TTC7B: variants seen among roughly 807,000 people sequenced by gnomAD.
TTC7B encodes the protein tetratricopeptide repeat protein 7B.
Under a neutral mutation model 106.8 loss-of-function variants are expected in TTC7B, and 28 were observed. The ratio of observed to expected loss-of-function variants is 0.26; its 90% CI spans 0.19 to 0.36. The LOEUF is 0.36. Among genes scored for constraint, TTC7B ranks in the 10% least tolerant of loss-of-function variants. The probability of loss-of-function intolerance (pLI) is 1.00; values close to 1 mark genes in which losing one functional copy is unlikely to be tolerated. For missense variants in TTC7B, 862 were observed against 1,076.4 expected, an observed-to-expected ratio of 0.80 and a Z score of 2.79; for synonymous variants, 405 against 430.6, an observed-to-expected ratio of 0.94 and a Z score of 0.74.
intron 19 of TTC7B, among the ~76,000 whole-genome samples, chr14:90,569,089 C>T (rs1000452871): frequency 6.6e-6 from 1 of 152,172 alleles, no homozygotes; most frequent in Non-Finnish European, 1.5e-5. Context: ...CACCTGCAGC[C>T]TCAAAGACAA....
rs1365407194 is a variant in TTC7B at position 90,701,794 on chromosome 14, G to GTATA, written c.699-6217_699-6216insTATA. Among the ~76,000 whole-genome samples the GTATA allele has an allele frequency of 1.3e-3, 160 of 124,882 alleles. 2 individuals carry two copies. The highest frequency in any genetic ancestry group is 5.1e-3 in the African/African-American group (148 of 28,756). The allele number at this position is 124,882 out of a possible 152,430, so 81.9% of individuals were successfully genotyped here. ...TGTATATATGTATATGTGTGTGTGTGTGTATATATATATATATATATATAT... is the reference window on the plus strand; with the variant it reads ...TGTATATATGTATATGTGTGTGTGTGTATATGTATATATATATATATATATATAT... On this transcript the variant is annotated intron_variant, in intron 5 of 19. Transcript: ENST00000328459.
chr14:90,627,158 A>T (rs529616148), intron 15 of TTC7B, among the ~76,000 whole-genome samples: 54 of 151,880 alleles, frequency 3.6e-4, no homozygotes, highest in Non-Finnish European at 4.7e-4. Flanking sequence ...ATTAAAAAAA[A>T]TTTTTTAGTA....
intron 19 of TTC7B, among the ~76,000 whole-genome samples, chr14:90,560,467 C>T (rs1010964275): frequency 1.8e-4 from 28 of 152,240 alleles, no homozygotes; most frequent in Admixed American, 1.8e-3. Context: ...ATCCAAAGCA[C>T]ACTGTCGTCT....
chr14:90,789,881 G>A (rs1188486677), intron 1 of TTC7B, among the ~76,000 whole-genome samples: 2 of 147,598 alleles, frequency 1.4e-5, no homozygotes, highest in East Asian at 3.9e-4. Context: ...GGGCAACAGA[G>A]CGAGACTCTG....
intron 7 of TTC7B, among the ~76,000 whole-genome samples, chr14:90,685,788 T>C (rs1887230671): frequency 1.3e-5 from 2 of 152,092 alleles, no homozygotes; most frequent in South Asian, 4.2e-4. Flanking sequence ...TTCAAACTGA[T>C]TCAAGAAGAA....
chr14:90,766,296 G>C (rs527284290), intron 3 of TTC7B, among the ~76,000 whole-genome samples: 2 of 152,120 alleles, frequency 1.3e-5, no homozygotes, highest in South Asian at 4.1e-4. Flanking sequence ...AGCCTATTCA[G>C]AGGAAAAGTA....
chr14:90,673,551 T>C (rs1281164022), intron 9 of TTC7B, among the ~76,000 whole-genome samples: 23 of 151,058 alleles, frequency 1.5e-4, no homozygotes, highest in African/African-American at 2.5e-4. Context: ...CAGGGAAATA[T>C]AACATATCTC....
intron 15 of TTC7B, among the ~76,000 whole-genome samples, chr14:90,643,023 T>C (rs1457634988): frequency 6.6e-6 from 1 of 152,184 alleles, no homozygotes; most frequent in Non-Finnish European, 1.5e-5. Context: ...AATATTTACT[T>C]AATATTTTTC....
At chr14:90,773,947 T>G (rs1890943612) in intron 3 of TTC7B, among the ~76,000 whole-genome samples, 1 of 152,174 alleles carries the variant, frequency 6.6e-6, no homozygotes. Context: ...TTCCCTTCTC[T>G]TCTTCCCTGC....
intron 17 of TTC7B, among the ~76,000 whole-genome samples, chr14:90,598,685 G>A (rs561328934): frequency 2.6e-5 from 4 of 152,226 alleles, no homozygotes; most frequent in East Asian, 1.9e-4. Context: ...ACACTGGGAC[G>A]GCTAGCTCAT....
At chr14:90,698,479 G>T (rs538611814) in intron 5 of TTC7B, 1 of 152,116 alleles carries the variant, frequency 6.6e-6, no homozygotes, top group African/African-American at 2.4e-5. Flanking sequence ...CTGTTTTGAG[G>T]GTTTCCACAA....
chr14:90,802,127 C>G lies in TTC7B; in HGVS notation c.121+14048G>C, dbSNP rs1258830135. On this transcript the variant is annotated intron_variant, in intron 1 of 19. Coordinates refer to ENST00000328459, the MANE Select transcript of TTC7B (RefSeq NM_001010854.2). The surrounding 1 kb of genome is among the most constrained non-coding windows in gnomAD (Gnocchi z 4.7). ...GGAACATCAAGTGTAAGATCACAGA[C>G]TAGCCATTAGACCTGGCAGCACACG... Among the ~76,000 whole-genome samples the G allele has an allele frequency of 6.6e-6, 1 of 151,954 alleles. No individual in the cohort carries two copies. The highest frequency in any genetic ancestry group is 2.4e-5 in the African/African-American group (1 of 41,370).
intron 16 of TTC7B, among the ~76,000 whole-genome samples, chr14:90,615,626 G>A (rs1197728126): frequency 6.6e-6 from 1 of 152,242 alleles, no homozygotes; most frequent in African/African-American, 2.4e-5. Context: ...GTTGCAAGGT[G>A]TGCTGTCCCC....
intron 4 of TTC7B, among the ~76,000 whole-genome samples, chr14:90,736,832 C>G (rs967037250): frequency 4.2e-5 from 6 of 142,382 alleles, no homozygotes; most frequent in African/African-American, 1.6e-4. Flanking sequence ...TTTGAGGGTG[C>G]AACGAGCTAT....
intron 1 of TTC7B, among the ~76,000 whole-genome samples, chr14:90,815,886 G>T (rs1326757525): frequency 1.3e-5 from 2 of 151,954 alleles, no homozygotes; most frequent in Non-Finnish European, 2.9e-5. Context: ...TGGAGCAGCG[G>T]ACTCGCTGAG....
Position 90,584,095 on chromosome 14 carries a change from C to T in TTC7B, c.2108-5787G>A, listed in dbSNP as rs367564829. On this transcript the variant is annotated intron_variant, in intron 18 of 19. Coordinates refer to ENST00000328459, the MANE Select transcript of TTC7B (RefSeq NM_001010854.2). ...CACAGTGAGCCGCAAGTGTGCCAAC[C>T]CTCCTGCAGGGCTGGGTCAAGCCTG... is the stretch of plus-strand genomic sequence containing the variant. 6.8e-4 allele frequency among the ~76,000 whole-genome samples: 103 copies of T among 152,286 alleles called. No homozygotes were observed. In the South Asian group the frequency reaches 0.018, roughly 26 times the overall value.
rs1888416311 is a variant in TTC7B at position 90,710,819 on chromosome 14, T to C, written c.699-15241A>G. 2.6e-5 allele frequency among the ~76,000 whole-genome samples: 4 copies of C among 152,196 alleles called. No individual in the cohort carries two copies. In the South Asian group the frequency reaches 6.2e-4, roughly 24 times the overall value. The stretch of plus-strand genomic sequence containing the variant: ...TTATTGCATACTTAACAGAATACAG[T>C]ATAGTGTAAATATAACTTTTATATG... On this transcript the variant is annotated intron_variant, in intron 5 of 19. Transcript: ENST00000328459.
chr14:90,651,090 A>C (rs1885697118), intron 13 of TTC7B, among the ~76,000 whole-genome samples: 1 of 152,278 alleles, frequency 6.6e-6, no homozygotes, highest in East Asian at 1.9e-4. Flanking sequence ...TAAAACAAAT[A>C]GTAGAGAAAG....
chr14:90,758,121 T>C (rs748468038), intron 3 of TTC7B, among the ~76,000 whole-genome samples: 2 of 151,774 alleles, frequency 1.3e-5, no homozygotes, highest in Admixed American at 6.6e-5. Flanking sequence ...GGCTCACTAA[T>C]GCGAGGTTAA....
Sources: allele counts gnomAD v4.1 joint callset (sites outside exome capture counted in the v4.1 genomes callset), GRCh38; gene constraint gnomAD v4.1.1; non-coding constraint Gnocchi (gnomAD v3.1); transcripts MANE v1.5; gene names NCBI Gene and HGNC (gene_info 2026-07-23, HGNC 2026-07-21).